GLIS3: variants seen among roughly 807,000 people sequenced by gnomAD.
GLIS3 encodes the protein GLIS family zinc finger 3.
GLIS3 carries 53 observed loss-of-function variants against 78.6 expected under a neutral mutation model. That is an observed-to-expected ratio of 0.67 (90% confidence interval 0.54 to 0.85). GLIS3 has a LOEUF of 0.85. Among genes scored for constraint, GLIS3 ranks in the 40% least tolerant of loss-of-function variants. The probability of loss-of-function intolerance (pLI) is 0.00; values close to 1 mark genes in which losing one functional copy is unlikely to be tolerated. For synonymous variants in GLIS3, 684 were observed against 509.9 expected (o/e 1.34, Z -4.60); for missense variants, 1,703 against 1,231.1 (o/e 1.38, Z -5.74).
chr9:4,408,497 G>A, the GLIS3 span, among the ~76,000 whole-genome samples: 1 of 151,738 alleles, frequency 6.6e-6, no homozygotes, highest in African/African-American at 2.4e-5. Flanking sequence ...TGGAGGCTGA[G>A]GCGGGCGGAT....
intron 6 of GLIS3, among the ~76,000 whole-genome samples, chr9:3,922,010 C>G (rs1344303004): frequency 1.3e-5 from 2 of 151,864 alleles, no homozygotes. Context: ...AACAGAAATT[C>G]AAACAAACTG....
At chr9:4,331,234 G>C (rs906410907) in intron 2 of GLIS3, among the ~76,000 whole-genome samples, 1 of 152,162 alleles carries the variant, frequency 6.6e-6, no homozygotes, top group African/African-American at 2.4e-5. Context: ...TCCTTGGCTT[G>C]TGGCAGCATA....
chr9:4,209,628 T>C (rs1820209461), intron 2 of GLIS3, among the ~76,000 whole-genome samples: 1 of 152,216 alleles, frequency 6.6e-6, no homozygotes, highest in African/African-American at 2.4e-5. Flanking sequence ...ATAGCACTTG[T>C]CAGGAGAGGC....
chr9:4,382,940 G>A, the GLIS3 span, among the ~76,000 whole-genome samples: 1 of 152,152 alleles, frequency 6.6e-6, no homozygotes, highest in Non-Finnish European at 1.5e-5. Flanking sequence ...ATCTCACAAA[G>A]CAAAATTTGA....
chr9:4,029,065 ATCTAAT>A (rs529331756), intron 4 of GLIS3, among the ~76,000 whole-genome samples: 6 of 152,176 alleles, frequency 3.9e-5, no homozygotes, highest in Admixed American at 2.0e-4. Context: ...AGAAAAAAAG[ATCTAAT>A]TCTAAAAGTA....
At chr9:4,045,203 T>C (rs1160892811) in intron 4 of GLIS3, among the ~76,000 whole-genome samples, 2 of 152,178 alleles carry the variant, frequency 1.3e-5, no homozygotes, top group African/African-American at 4.8e-5. Context: ...TATTGCATCC[T>C]TATCGTAAGC....
chr9:3,901,497 A>C (rs934869624), intron 6 of GLIS3, among the ~76,000 whole-genome samples: 1 of 152,210 alleles, frequency 6.6e-6, no homozygotes, highest in Non-Finnish European at 1.5e-5. Context: ...GTTGCTATAC[A>C]TTACCAGCAC....
At chr9:4,253,576 C>T (rs1017497384) in intron 2 of GLIS3, among the ~76,000 whole-genome samples, 1 of 152,230 alleles carries the variant, frequency 6.6e-6, no homozygotes, top group African/African-American at 2.4e-5. Flanking sequence ...AGCTAGACCA[C>T]TTGTCTCCCT....
At chr9:4,047,842 G>A (rs917539860) in intron 4 of GLIS3, among the ~76,000 whole-genome samples, 3 of 152,124 alleles carry the variant, frequency 2.0e-5, no homozygotes, top group Admixed American at 2.0e-4. Flanking sequence ...CTGCTTTTTC[G>A]GTTACATAGG....
intron 4 of GLIS3, among the ~76,000 whole-genome samples, chr9:4,015,999 A>G (rs116678463): frequency 6.6e-6 from 1 of 152,066 alleles, no homozygotes; most frequent in South Asian, 2.1e-4. Flanking sequence ...AAATTGTCTC[A>G]ATTATACATG....
the GLIS3 span, among the ~76,000 whole-genome samples, chr9:4,411,582 C>T: frequency 6.6e-6 from 1 of 152,166 alleles, no homozygotes; most frequent in African/African-American, 2.4e-5. Context: ...CCTTTGGTCC[C>T]ATCTTCTCAT....
rs574766028 is a variant in GLIS3 at position 3,920,849 on chromosome 9, C to A, written c.1983+11511G>T. ...AGCTGGTGCTTGTGTGCTAGACTAGCCCAAAGCAGTATTGTGAAACAGAGC... is the reference window on the plus strand; with the variant it reads ...AGCTGGTGCTTGTGTGCTAGACTAGACCAAAGCAGTATTGTGAAACAGAGC... On this transcript the variant is annotated intron_variant, in intron 6 of 10. Coordinates refer to ENST00000381971, the MANE Select transcript of GLIS3 (RefSeq NM_001042413.2). 5.3e-5 allele frequency among the ~76,000 whole-genome samples: 8 copies of A among 152,240 alleles called. No homozygotes were observed. The South Asian group carries it at 1.2e-3, about 24-fold the overall frequency.
Position 4,208,030 on chromosome 9 carries a change from C to T in GLIS3, c.388+78008G>A, listed in dbSNP as rs953574587. Among the ~76,000 whole-genome samples, 3 of 152,180 alleles carry T rather than the reference C, an allele frequency of 2.0e-5. No individual in the cohort carries two copies. The East Asian group carries it at 5.8e-4, about 29-fold the overall frequency. On this transcript the variant is annotated intron_variant, in intron 2 of 10. Coordinates refer to ENST00000381971, the MANE Select transcript of GLIS3 (RefSeq NM_001042413.2). The stretch of plus-strand genomic sequence containing the variant: ...TGTGACTCAATAACCATTCTGTACA[C>T]CACCAGGAAAGTGACTTTTATACCA...
intron 2 of GLIS3, among the ~76,000 whole-genome samples, chr9:4,199,389 A>G (rs1213743825): frequency 6.6e-6 from 1 of 152,008 alleles, no homozygotes. Context: ...AATGCAACAC[A>G]AAAAAGAGTA....
chr9:4,435,296 T>C, the GLIS3 span, among the ~76,000 whole-genome samples: 1 of 152,212 alleles, frequency 6.6e-6, no homozygotes, highest in Non-Finnish European at 1.5e-5. Context: ...TGAATGGGAT[T>C]ATAGTGTAGA....
intron 4 of GLIS3, among the ~76,000 whole-genome samples, chr9:4,091,530 C>T (rs902495119): frequency 1.3e-5 from 1 of 79,872 alleles, no homozygotes; most frequent in African/African-American, 3.6e-5. Context: ...CACGTGCACA[C>T]AAACACACAC....
chr9:4,320,885 G>A (rs576760000), intron 2 of GLIS3, among the ~76,000 whole-genome samples: 2 of 152,090 alleles, frequency 1.3e-5, no homozygotes, highest in African/African-American at 2.4e-5. Context: ...TTACACTGAA[G>A]GCAGGTAAGT....
intron 2 of GLIS3, among the ~76,000 whole-genome samples, chr9:4,330,992 T>C (rs527902105): frequency 6.6e-6 from 1 of 152,306 alleles, no homozygotes; most frequent in South Asian, 2.1e-4. Flanking sequence ...TACATGCATG[T>C]CACCATAAGA....
chr9:3,874,465 C>T (rs1467248851), intron 8 of GLIS3, among the ~76,000 whole-genome samples: 1 of 152,212 alleles, frequency 6.6e-6, no homozygotes, highest in African/African-American at 2.4e-5. Flanking sequence ...TCCCTGAGTT[C>T]TGTGAACTGC....
Sources: allele counts gnomAD v4.1 joint callset (sites outside exome capture counted in the v4.1 genomes callset), GRCh38; gene constraint gnomAD v4.1.1; transcripts MANE v1.5; gene names NCBI Gene and HGNC (gene_info 2026-07-23, HGNC 2026-07-21).